Variants in NRXN3 observed in about 807,000 individuals in gnomAD.
The protein encoded by NRXN3 is neurexin III.
In NRXN3, 32 loss-of-function variants were observed where a neutral mutation model predicts 137.6. That is an observed-to-expected ratio of 0.23 (90% confidence interval 0.18 to 0.31). The LOEUF is 0.31. NRXN3 is among the 10% of genes least tolerant of loss of function. The pLI is 1.00. For synonymous variants in NRXN3, 798 were observed against 784.5 expected, an observed-to-expected ratio of 1.02 and a Z score of -0.29; for missense variants, 1,574 against 2,062.5, an observed-to-expected ratio of 0.76 and a Z score of 4.59.
At chr14:78,822,165 T>C (rs1010189256) in intron 10 of NRXN3, among the ~76,000 whole-genome samples, 22 of 152,202 alleles carry the variant, frequency 1.4e-4, no homozygotes, top group Non-Finnish European at 2.9e-5. Context: ...ACTAAGTCTA[T>C]GCACAAGGAT....
chr14:79,393,254 A>G (rs1381912080), intron 15 of NRXN3, among the ~76,000 whole-genome samples: 1 of 152,126 alleles, frequency 6.6e-6, no homozygotes, highest in Non-Finnish European at 1.5e-5. Context: ...AGAACACAGA[A>G]AGCAACAAAC....
intron 20 of NRXN3, among the ~76,000 whole-genome samples, chr14:79,807,165 G>C (rs1054960257): frequency 1.3e-5 from 2 of 150,796 alleles, no homozygotes; most frequent in African/African-American, 4.9e-5. Flanking sequence ...GTACAAATGC[G>C]GTTCTCACCA....
intron 10 of NRXN3, among the ~76,000 whole-genome samples, chr14:78,952,228 A>T (rs2099388454): frequency 7.0e-6 from 1 of 143,392 alleles, no homozygotes; most frequent in South Asian, 2.3e-4. Context: ...ATTATGATTT[A>T]AAATGTTTTT....
intron 3 of NRXN3, among the ~76,000 whole-genome samples, chr14:78,290,160 G>A (rs1227033229): frequency 6.6e-6 from 1 of 152,190 alleles, no homozygotes; most frequent in African/African-American, 2.4e-5. Context: ...CTGAGAAAAG[G>A]TGAGACTTTT....
At chr14:79,104,081 C>T (rs1158195752) in intron 15 of NRXN3, among the ~76,000 whole-genome samples, 6 of 152,190 alleles carry the variant, frequency 3.9e-5, no homozygotes, top group East Asian at 1.9e-4. Flanking sequence ...TCCTCAGATT[C>T]TCATCTGAAA....
intron 19 of NRXN3, among the ~76,000 whole-genome samples, chr14:79,776,659 C>T (rs1033921645): frequency 6.6e-6 from 1 of 152,120 alleles, no homozygotes; most frequent in African/African-American, 2.4e-5. Context: ...GGACCCTCTG[C>T]CTTGACATAG....
At chr14:79,771,903 C>A (rs369700576) in intron 19 of NRXN3, among the ~76,000 whole-genome samples, 6 of 127,582 alleles carry the variant, frequency 4.7e-5, no homozygotes, top group African/African-American at 1.8e-4. Context: ...AAATCTCCTT[C>A]AGCTGATAAG....
intron 4 of NRXN3, among the ~76,000 whole-genome samples, chr14:78,350,725 AATGACCTGT>A (rs2083369908): frequency 6.6e-6 from 1 of 152,160 alleles, no homozygotes; most frequent in Admixed American, 6.5e-5. Flanking sequence ...GGGGCTCATT[AATGACCTGT>A]ATGAGAAGGG....
intron 15 of NRXN3, among the ~76,000 whole-genome samples, chr14:79,370,089 G>A (rs938176890): frequency 3.3e-5 from 5 of 152,060 alleles, no homozygotes; most frequent in East Asian, 3.9e-4. Context: ...AAGGAAAGTC[G>A]GCCTTTGCTG....
intron 16 of NRXN3, among the ~76,000 whole-genome samples, chr14:79,509,245 G>A (rs183091330): frequency 1.3e-5 from 2 of 152,222 alleles, no homozygotes; most frequent in East Asian, 1.9e-4. Flanking sequence ...ATTACTAAAA[G>A]AGTGTAATCC....
chr14:78,320,945 G>A (rs575652211), intron 4 of NRXN3, among the ~76,000 whole-genome samples: 4 of 152,002 alleles, frequency 2.6e-5, no homozygotes, highest in African/African-American at 4.8e-5. Flanking sequence ...GTGAAACCCC[G>A]TCTCTACTAA....
chr14:79,243,525 A>G lies in NRXN3; in HGVS notation c.3263-223696A>G, dbSNP rs114730859. ...AACAATCCAGTGAAATCTGTACTAT[A>G]GCCACATGTCTCATGATGATGGGGA... On this transcript the variant is annotated intron_variant, in intron 15 of 20. Coordinates refer to ENST00000335750, the MANE Select transcript of NRXN3 (RefSeq NM_001330195.2). Among the ~76,000 whole-genome samples, 1,054 of 152,318 alleles carry G rather than the reference A, an allele frequency of 6.9e-3. 14 individuals are homozygous for G. Among genetic ancestry groups the G allele is most frequent in the African/African-American group, 0.022 (920 of 41,572 alleles).
chr14:78,205,460 T>G (rs2062095050), intron 1 of NRXN3, among the ~76,000 whole-genome samples: 1 of 152,226 alleles, frequency 6.6e-6, no homozygotes, highest in Admixed American at 6.5e-5. Flanking sequence ...TACACTTTGC[T>G]TGGGTAGAGT....
intron 19 of NRXN3, chr14:79,760,810 TAGA>T (rs1476758579): frequency 4.0e-5 from 6 of 151,462 alleles, no homozygotes; most frequent in Admixed American, 6.6e-5. Flanking sequence ...TACCGCAAAT[TAGA>T]AGAGCACAAA....
Position 78,290,650 on chromosome 14 carries a change from G to T in NRXN3, c.728-7181G>T, listed in dbSNP as rs562368210. On this transcript the variant is annotated intron_variant, in intron 3 of 20. Coordinates refer to ENST00000335750, the MANE Select transcript of NRXN3 (RefSeq NM_001330195.2). The stretch of plus-strand genomic sequence containing the variant: ...TGAGACCTTGTCTCAAAAAAAAAGG[G>T]GGACTTAGGTAGAAGGTTTTTTCTA... 2.6e-5 allele frequency among the ~76,000 whole-genome samples: 4 copies of T among 152,244 alleles called. No homozygotes were observed. The South Asian group carries it at 6.2e-4, about 24-fold the overall frequency.
intron 4 of NRXN3, among the ~76,000 whole-genome samples, chr14:78,310,647 C>T (rs1473576823): frequency 6.6e-6 from 1 of 151,920 alleles, no homozygotes; most frequent in Non-Finnish European, 1.5e-5. Flanking sequence ...TACTAGATCT[C>T]CAGGTGTGAA....
intron 1 of NRXN3, among the ~76,000 whole-genome samples, chr14:78,234,102 G>T (rs934553773): frequency 6.6e-6 from 1 of 152,178 alleles, no homozygotes; most frequent in African/African-American, 2.4e-5. Flanking sequence ...TCTCTTGCCT[G>T]CCCCAATGTA....
intron 4 of NRXN3, among the ~76,000 whole-genome samples, chr14:78,475,496 C>A (rs954968506): frequency 2.6e-5 from 4 of 152,180 alleles, no homozygotes; most frequent in Admixed American, 1.3e-4. Context: ...TCTCCTCTCA[C>A]CTCTTCCCTC....
chr14:79,597,383 A>C (rs2097869108), intron 16 of NRXN3, among the ~76,000 whole-genome samples: 1 of 152,174 alleles, frequency 6.6e-6, no homozygotes, highest in Non-Finnish European at 1.5e-5. Flanking sequence ...GATTTAAATT[A>C]GTTTGCATAA....
Sources: allele counts gnomAD v4.1 joint callset (sites outside exome capture counted in the v4.1 genomes callset), GRCh38; gene constraint gnomAD v4.1.1; transcripts MANE v1.5; gene names NCBI Gene and HGNC (gene_info 2026-07-23, HGNC 2026-07-21).